The following BRD7 variants were observed in gnomAD, a reference collection of about 807,000 sequenced individuals.
The protein encoded by BRD7 is bromodomain-containing protein 7.
Under a neutral mutation model 82.1 loss-of-function variants are expected in BRD7, and 15 were observed. The ratio of observed to expected loss-of-function variants is 0.18; its 90% CI spans 0.12 to 0.28. The LOEUF (loss-of-function observed/expected upper bound fraction) is 0.28. Among genes scored for constraint, BRD7 ranks in the 10% least tolerant of loss-of-function variants. The pLI is 1.00. For synonymous variants in BRD7, 232 were observed against 266.9 expected, an observed-to-expected ratio of 0.87 and a Z score of 1.27; for missense variants, 638 against 779.9, an observed-to-expected ratio of 0.82 and a Z score of 2.17.
intron 2 of BRD7, among the ~76,000 whole-genome samples, chr16:50,362,906 A>C (rs1239196154): frequency 6.6e-6 from 1 of 152,226 alleles, no homozygotes; most frequent in Non-Finnish European, 1.5e-5. Context: ...TAAAATGGTA[A>C]ATTTTATGCT....
At chr16:50,347,547 G>A (rs539009862) in intron 5 of BRD7, among the ~76,000 whole-genome samples, 169 of 152,280 alleles carry the variant, frequency 1.1e-3, no homozygotes, top group Non-Finnish European at 2.0e-3. Context: ...AAGCTGATAA[G>A]CAACTTCAGC....
At chr16:50,356,482 T>A (rs1462365227) in intron 2 of BRD7, among the ~76,000 whole-genome samples, 1 of 152,194 alleles carries the variant, frequency 6.6e-6, no homozygotes, top group African/African-American at 2.4e-5. Flanking sequence ...TCAACATGGA[T>A]AACATTCAGA....
In BRD7 at chr16:50,340,090, C is replaced by A. The variant is rs2037983519; in HGVS notation, c.592-4G>T. On this transcript the variant is annotated splice_polypyrimidine_tract_variant and splice_region_variant and intron_variant, in intron 5 of 16. Transcript: ENST00000394688. ...TACACATTAGTTTGAAGTTATCCTG[C>A]AGAAAGAACATTAAGGGAGAAAATG... is the stretch of plus-strand genomic sequence containing the variant. The A allele has an allele frequency of 1.3e-6, 2 of 1,484,082 alleles. No individual in the cohort carries two copies. Among genetic ancestry groups the A allele is most frequent in the Non-Finnish European group, 1.8e-6 (2 of 1,094,422 alleles). 91.9% of individuals were successfully genotyped at this position (1,484,082 alleles called of 1,614,324 possible).
At chr16:50,349,594 T>G (rs1361837797) in intron 5 of BRD7, 1 of 470,834 alleles carries the variant, frequency 2.1e-6, no homozygotes, top group African/African-American at 2.0e-5. Flanking sequence ...AAAGCTCTTT[T>G]CTTCATAAAT....
At chr16:50,320,563 T>C in intron 14 of BRD7, 100 bp downstream of exon 14, 1 of 1,376,726 alleles carries the variant, frequency 7.3e-7, no homozygotes, top group Non-Finnish European at 1.0e-6. Context: ...GCCAAGATCT[T>C]CCTGTGGTGA....
intron 6 of BRD7, among the ~76,000 whole-genome samples, chr16:50,336,498 G>C (rs1396671373): frequency 6.6e-6 from 1 of 152,164 alleles, no homozygotes; most frequent in Non-Finnish European, 1.5e-5. Flanking sequence ...GGAGGCAGAG[G>C]TTGCAGTGAG....
chr16:50,320,492 CA>C, intron 14 of BRD7, 101 bp from the exon 15 acceptor site: 1 of 1,521,366 alleles, frequency 6.6e-7, no homozygotes, highest in Non-Finnish European at 8.9e-7. Flanking sequence ...CTTCTCCCTT[CA>C]AAAGAGTAAT....
At chr16:50,343,764 A>G in intron 5 of BRD7, among the ~76,000 whole-genome samples, 1 of 152,202 alleles carries the variant, frequency 6.6e-6, no homozygotes. Context: ...AGGGGCGCCC[A>G]CCACTGCTGA....
chr16:50,319,867 A>G lies in BRD7; in HGVS notation c.1900+20T>C. On this transcript the variant is annotated intron_variant, in intron 16 of 16. Coordinates refer to ENST00000394688, the MANE Select transcript of BRD7 (RefSeq NM_013263.5). Reference sequence around the variant, plus strand: ...AGTCACCATAGCTTTCTGCTTTCCCAGAGAAAACAGGGCACGTACCTTCTG... The same window carrying G: ...AGTCACCATAGCTTTCTGCTTTCCCGGAGAAAACAGGGCACGTACCTTCTG... 1.2e-6 allele frequency: 2 copies of G among 1,607,086 alleles called. No homozygotes were observed. Among genetic ancestry groups the G allele is most frequent in the African/African-American group, 1.3e-5 (1 of 74,548 alleles).
chr16:50,356,096 A>C (rs2151198183), intron 2 of BRD7, among the ~76,000 whole-genome samples: 1 of 152,358 alleles, frequency 6.6e-6, no homozygotes, highest in African/African-American at 2.4e-5. Flanking sequence ...GTAATTATAG[A>C]TTTAAAAACT....
chr16:50,342,615 GT>G (rs2038116169), intron 5 of BRD7, among the ~76,000 whole-genome samples: 1 of 152,002 alleles, frequency 6.6e-6, no homozygotes, highest in South Asian at 2.1e-4. Context: ...TAGAGACGGG[GT>G]TTCACTGTGT....
chr16:50,333,640 C>T lies in BRD7; in HGVS notation c.945G>A (p.Gln315=), dbSNP rs565426286. ...CCTTCACGATGCGGTCAAGCTGCTC[C>T]TGCTCTCTCTCTAAATTATTGCTTT... ...KFKSNNLERE[Q]EQLDRIVKES... The change falls in exon 8 of 17, where the codon CAG becomes CAA. Residue 315 remains glutamine (Q), a synonymous_variant. Coordinates refer to ENST00000394688, the MANE Select transcript of BRD7 (RefSeq NM_013263.5). 49 of 1,611,212 alleles carry T rather than the reference C, an allele frequency of 3.0e-5. No homozygotes were observed. In the Admixed American group the frequency reaches 7.7e-4, roughly 25 times the overall value.
intron 2 of BRD7, among the ~76,000 whole-genome samples, chr16:50,355,483 T>TTA (rs1241322905): frequency 6.6e-6 from 1 of 152,176 alleles, no homozygotes; most frequent in Non-Finnish European, 1.5e-5. Context: ...AACGTGATAA[T>TTA]AAGACAATGT....
intron 2 of BRD7, among the ~76,000 whole-genome samples, chr16:50,365,812 A>G (rs2039120508): frequency 6.6e-6 from 1 of 152,128 alleles, no homozygotes; most frequent in African/African-American, 2.4e-5. Context: ...AAACATAAGA[A>G]AATTAGAGGA....
At position 50,367,791 on chromosome 16, in the gene BRD7, C is replaced by A. The variant is rs1201477798; in HGVS notation, c.258+299G>T. ...GACAATCCTTGAACACTGAGGCTTT[C>A]TTGAGCATGACTTTTTACCCTGCCT... On this transcript the variant is annotated intron_variant, in intron 2 of 16. Coordinates refer to ENST00000394688, the MANE Select transcript of BRD7 (RefSeq NM_013263.5). Among the ~76,000 whole-genome samples, 3 of 152,202 alleles carry A rather than the reference C, an allele frequency of 2.0e-5. No individual in the cohort carries two copies. In the East Asian group the frequency reaches 5.8e-4, roughly 29 times the overall value.
In BRD7 at chr16:50,328,569, A is replaced by T. The variant is rs529837447; in HGVS notation, c.1087+100T>A. 2.2e-5 allele frequency: 22 copies of T among 980,146 alleles called. No individual in the cohort carries two copies. In the African/African-American group the frequency reaches 3.2e-4, roughly 14 times the overall value. The allele number at this position is 980,146 out of a possible 1,614,324, so 60.7% of individuals were successfully genotyped here. ...AGATCCTTTGTGCATAATGACACAGACTGATCAATATTCAAGCTTGTTGCT... is the reference window on the plus strand; with the variant it reads ...AGATCCTTTGTGCATAATGACACAGTCTGATCAATATTCAAGCTTGTTGCT... On this transcript the variant is annotated intron_variant, in intron 9 of 16. Coordinates refer to ENST00000394688, the MANE Select transcript of BRD7 (RefSeq NM_013263.5).
chr16:50,341,474 CTACTAAAAA>C (rs2038050434), intron 5 of BRD7, among the ~76,000 whole-genome samples: 1 of 151,594 alleles, frequency 6.6e-6, no homozygotes, highest in Non-Finnish European at 1.5e-5. Flanking sequence ...AACCCCGTCT[CTACTAAAAA>C]TACAAAAAAA....
chr16:50,354,367 A>T (rs1172274511), intron 4 of BRD7, 58 bp downstream of exon 4: 1 of 1,417,842 alleles, frequency 7.1e-7, no homozygotes, highest in Non-Finnish European at 9.9e-7. Context: ...TGTGGTTTGG[A>T]TCCTACACAT....
intron 2 of BRD7, among the ~76,000 whole-genome samples, chr16:50,358,738 G>A (rs190732465): frequency 7.9e-5 from 12 of 152,192 alleles, no homozygotes; most frequent in East Asian, 5.8e-4. Flanking sequence ...CTGGTCTACC[G>A]TAACCACTTT....
Sources: gnomAD v4.1 joint callset for allele counts (sites outside exome capture counted in the v4.1 genomes callset) on GRCh38, gnomAD v4.1.1 for gene constraint, MANE v1.5 for transcripts, NCBI Gene and HGNC (gene_info 2026-07-23, HGNC 2026-07-21) for gene names.